KCNQ1: variants seen among roughly 807,000 people sequenced by gnomAD.
KCNQ1 encodes the protein potassium voltage-gated channel subfamily Q member 1, also known as potassium voltage-gated channel subfamily KQT member 1.
In KCNQ1, 49 loss-of-function variants were observed where a neutral mutation model predicts 72.4. The ratio of observed to expected loss-of-function variants is 0.68; its 90% confidence interval spans 0.54 to 0.86. KCNQ1 has a LOEUF of 0.86. KCNQ1 is among the 40% of genes least tolerant of loss of function. The pLI, the probability that KCNQ1 is intolerant of heterozygous loss-of-function variation, is 0.00. For missense variants in KCNQ1, 790 were observed against 945.1 expected (o/e 0.84, Z 2.15); for synonymous variants, 450 against 412.6 (o/e 1.09, Z -1.10).
rs1299224277 is a variant in KCNQ1, at chr11:2,457,085, G to C, written c.386+11601G>C. ...GATCATCAGAGAAATGCAAATCAAA[G>C]TCACAATGAGATACCATCTCACGCC... On this transcript the variant is annotated intron_variant, in intron 1 of 15. Coordinates refer to ENST00000155840, the MANE Select transcript of KCNQ1 (RefSeq NM_000218.3). This position sits in a 1 kb window ranked among gnomAD's most constrained non-coding sequence, Gnocchi z 5.0. 6.6e-6 allele frequency among the ~76,000 whole-genome samples: 1 copy of C among 151,860 alleles called. No homozygotes were observed. Among genetic ancestry groups the C allele is most frequent in the Non-Finnish European group, 1.5e-5 (1 of 67,992 alleles).
intron 11 of KCNQ1, among the ~76,000 whole-genome samples, chr11:2,736,299 G>A (rs1246947205): frequency 1.3e-5 from 2 of 152,180 alleles, no homozygotes; most frequent in Non-Finnish European, 2.9e-5. Context: ...AAAGGCGACC[G>A]AGCTTGGGCC....
At chr11:2,501,886 T>G (rs1157977090) in intron 1 of KCNQ1, among the ~76,000 whole-genome samples, 1 of 152,148 alleles carries the variant, frequency 6.6e-6, no homozygotes, top group African/African-American at 2.4e-5. Flanking sequence ...GCAAGGATAG[T>G]TCAACATATG....
Position 2,538,892 on chromosome 11 carries a change from G to A in KCNQ1, c.477+10874G>A, listed in dbSNP as rs962101015. ...TTTTTTAAACCTTCTCCAAAAACAC[G>A]TAACCCGATTCTGTCCAAGCGATTT... On this transcript the variant is annotated intron_variant, in intron 2 of 15. Transcript: ENST00000155840. The surrounding 1 kb of genome is among the most constrained non-coding windows in gnomAD (Gnocchi z 6.7). 6.6e-6 allele frequency among the ~76,000 whole-genome samples: 1 copy of A among 152,020 alleles called. No homozygotes were observed. The highest frequency in any genetic ancestry group is 2.4e-5 in the African/African-American group (1 of 41,372).
At chr11:2,727,573 G>A (rs1490162101) in intron 11 of KCNQ1, among the ~76,000 whole-genome samples, 3 of 152,182 alleles carry the variant, frequency 2.0e-5, no homozygotes, top group Non-Finnish European at 2.9e-5. Flanking sequence ...CAGCTCCACG[G>A]CAGGGAGCAG....
chr11:2,661,307 A>G lies in KCNQ1; in HGVS notation c.1394-654A>G, dbSNP rs1048821241. 2 of 401,326 alleles carry G rather than the reference A, an allele frequency of 5.0e-6. No homozygotes were observed. Among genetic ancestry groups the G allele is most frequent in the African/African-American group, 4.1e-5 (2 of 48,656 alleles). The allele number at this position is 401,326 out of a possible 1,614,324, so 24.9% of individuals were successfully genotyped here. ...GCAAATACTGATAGTGTCAACAGAG[A>G]GTGGGGAGTGATAAGGATCAGTATC... On this transcript the variant is annotated intron_variant, in intron 10 of 15. Coordinates refer to ENST00000155840, the MANE Select transcript of KCNQ1 (RefSeq NM_000218.3). This position sits in a 1 kb window ranked among gnomAD's most constrained non-coding sequence, Gnocchi z 5.9.
At position 2,668,012 on chromosome 11, in the gene KCNQ1, T is replaced by C. The variant is rs1228799343; in HGVS notation, c.1514+5931T>C. ...CTGACCTTGAGATTAACCACAGGCCTAACTGCTAGCAGCAAGGACCAGCTT... is the reference window on the plus strand; with the variant it reads ...CTGACCTTGAGATTAACCACAGGCCCAACTGCTAGCAGCAAGGACCAGCTT... On this transcript the variant is annotated intron_variant, in intron 11 of 15. Coordinates refer to ENST00000155840, the MANE Select transcript of KCNQ1 (RefSeq NM_000218.3). The surrounding 1 kb of genome is among the most constrained non-coding windows in gnomAD (Gnocchi z 4.3). 1 of 398,556 alleles carries C rather than the reference T, an allele frequency of 2.5e-6. No individual in the cohort carries two copies. The highest frequency in any genetic ancestry group is 4.4e-6 in the Non-Finnish European group (1 of 226,102). 24.7% of individuals were successfully genotyped at this position (398,556 alleles called of 1,614,324 possible).
rs1335243281 is a variant in KCNQ1 at position 2,816,947 on chromosome 11, C to T, written c.1795-30820C>T. 6.6e-6 allele frequency among the ~76,000 whole-genome samples: 1 copy of T among 152,128 alleles called. No homozygotes were observed. The highest frequency in any genetic ancestry group is 1.5e-5 in the Non-Finnish European group (1 of 68,014). On this transcript the variant is annotated intron_variant, in intron 15 of 15. Transcript: ENST00000155840. The surrounding 1 kb of genome is among the most constrained non-coding windows in gnomAD (Gnocchi z 6.8). The stretch of plus-strand genomic sequence containing the variant: ...CTGGGCAGTGGCTGCCCCTCTGCCT[C>T]TGGAGGTCCCCTCCAAAACCTTGGT...
At chr11:2,846,437 A>G (rs1045917658) in intron 15 of KCNQ1, among the ~76,000 whole-genome samples, 1 of 152,156 alleles carries the variant, frequency 6.6e-6, no homozygotes, top group Non-Finnish European at 1.5e-5. Context: ...GAGCACGCTG[A>G]GGGGCTCTCC....
At chr11:2,523,754 T>TTTTTG (rs1267801485) in intron 1 of KCNQ1, among the ~76,000 whole-genome samples, 1 of 145,012 alleles carries the variant, frequency 6.9e-6, no homozygotes, top group East Asian at 2.3e-4. Context: ...GTTTACAGTT[T>TTTTTG]TTTTTTTTTT....
chr11:2,797,968 T>G (rs1289523316), intron 15 of KCNQ1, among the ~76,000 whole-genome samples: 1 of 152,156 alleles, frequency 6.6e-6, no homozygotes, highest in Non-Finnish European at 1.5e-5. Flanking sequence ...GGCACCGCGG[T>G]GGGCAGATGC....
Position 2,477,078 on chromosome 11 carries a change from T to C in KCNQ1, c.386+31594T>C, listed in dbSNP as rs1044618377. ...TGGCTTATTCTTTGGGAAAAAATGT[T>C]AAGTCAAAATTAGGAAGAAGTGGAG... On this transcript the variant is annotated intron_variant, in intron 1 of 15. Transcript: ENST00000155840. The surrounding 1 kb of genome is among the most constrained non-coding windows in gnomAD (Gnocchi z 5.0). 6.6e-6 allele frequency among the ~76,000 whole-genome samples: 1 copy of C among 152,208 alleles called. No homozygotes were observed. Among genetic ancestry groups the C allele is most frequent in the Non-Finnish European group, 1.5e-5 (1 of 68,030 alleles).
intron 15 of KCNQ1, among the ~76,000 whole-genome samples, chr11:2,836,493 A>G (rs549280605): frequency 2.6e-5 from 4 of 152,322 alleles, no homozygotes; most frequent in Non-Finnish European, 5.9e-5. Flanking sequence ...CAAGCTCCCC[A>G]GAAGAGGGGA....
chr11:2,720,222 A>G lies in KCNQ1; in HGVS notation c.1515-48622A>G, dbSNP rs924112245. Among the ~76,000 whole-genome samples, 3 of 152,184 alleles carry G rather than the reference A, an allele frequency of 2.0e-5. No homozygotes were observed. Among genetic ancestry groups the G allele is most frequent in the African/African-American group, 7.2e-5 (3 of 41,436 alleles). ...CATGATGGATGTGTAAAGAATCGAG[A>G]AGCCAAGTGCCCTTGCCATTTGTTA... On this transcript the variant is annotated intron_variant, in intron 11 of 15. Coordinates refer to ENST00000155840, the MANE Select transcript of KCNQ1 (RefSeq NM_000218.3). The surrounding 1 kb of genome is among the most constrained non-coding windows in gnomAD (Gnocchi z 5.1).
rs1847801449 is a variant in KCNQ1 at position 2,824,630 on chromosome 11, A to G, written c.1795-23137A>G. ...ATGAGGTTGCCTGGCAAGAGATTGC[A>G]GGGAGAGGAGAGAGTGAGAATGGGG... is the stretch of plus-strand genomic sequence containing the variant. On this transcript the variant is annotated intron_variant, in intron 15 of 15. Coordinates refer to ENST00000155840, the MANE Select transcript of KCNQ1 (RefSeq NM_000218.3). The surrounding 1 kb of genome is among the most constrained non-coding windows in gnomAD (Gnocchi z 5.9). Among the ~76,000 whole-genome samples, 1 of 152,098 alleles carries G rather than the reference A, an allele frequency of 6.6e-6. No individual in the cohort carries two copies. Among genetic ancestry groups the G allele is most frequent in the Non-Finnish European group, 1.5e-5 (1 of 68,004 alleles).
intron 15 of KCNQ1, among the ~76,000 whole-genome samples, chr11:2,841,214 G>C (rs1334726666): frequency 6.6e-6 from 1 of 152,208 alleles, no homozygotes; most frequent in Non-Finnish European, 1.5e-5. Context: ...GGGCCCAACT[G>C]AGATGGGCGC....
intron 11 of KCNQ1, among the ~76,000 whole-genome samples, chr11:2,708,401 C>T (rs1016036569): frequency 1.3e-5 from 2 of 152,210 alleles, no homozygotes; most frequent in African/African-American, 4.8e-5. Flanking sequence ...TTCTGTTTTG[C>T]TCCCTGCTCC....
chr11:2,693,523 A>C, intron 11 of KCNQ1: 1 of 398,694 alleles, frequency 2.5e-6, no homozygotes, highest in Non-Finnish European at 4.4e-6. Flanking sequence ...CTCCTGGCTG[A>C]GGCCCGGGCT....
rs1849686905 is a variant in KCNQ1 at position 2,647,659 on chromosome 11, GAT to G, written c.1394-14300_1394-14299del. On this transcript the variant is annotated intron_variant, in intron 10 of 15. Coordinates refer to ENST00000155840, the MANE Select transcript of KCNQ1 (RefSeq NM_000218.3). This position sits in a 1 kb window ranked among gnomAD's most constrained non-coding sequence, Gnocchi z 4.0. Reference sequence around the variant, plus strand: ...TTCTTTACTGGGAGACTTTATTACTGATACAATCTCATTCCTTGTTATTGCTC... The same window carrying G: ...TTCTTTACTGGGAGACTTTATTACTGACAATCTCATTCCTTGTTATTGCTC... 2.5e-6 allele frequency: 1 copy of G among 398,338 alleles called. No individual in the cohort carries two copies. Among genetic ancestry groups the G allele is most frequent in the Non-Finnish European group, 4.4e-6 (1 of 226,026 alleles). The allele number at this position is 398,338 out of a possible 1,614,324, so 24.7% of individuals were successfully genotyped here.
Position 2,598,707 on chromosome 11 carries a change from T to C in KCNQ1, c.1393+9853T>C, listed in dbSNP as rs983237385. 6.6e-5 allele frequency among the ~76,000 whole-genome samples: 10 copies of C among 152,306 alleles called. No individual in the cohort carries two copies. The highest frequency in any genetic ancestry group is 3.4e-3 in the Middle Eastern group (1 of 294). On this transcript the variant is annotated intron_variant, in intron 10 of 15. Transcript: ENST00000155840. This position sits in a 1 kb window ranked among gnomAD's most constrained non-coding sequence, Gnocchi z 6.2. ...TCTAAAAATTGAGTGGCAGGTTTCATGGAGTGGTTTGGAGCACAGCCTATA... is the reference window on the plus strand; with the variant it reads ...TCTAAAAATTGAGTGGCAGGTTTCACGGAGTGGTTTGGAGCACAGCCTATA...
Sources: gnomAD v4.1 joint callset for allele counts (sites outside exome capture counted in the v4.1 genomes callset) on GRCh38, gnomAD v4.1.1 for gene constraint, Gnocchi (gnomAD v3.1) non-coding constraint, MANE v1.5 for transcripts, NCBI Gene and HGNC (gene_info 2026-07-23, HGNC 2026-07-21) for gene names.